ANO9: variants seen among roughly 807,000 people sequenced by gnomAD.
ANO9 encodes anoctamin 9.
In ANO9, 80 loss-of-function variants were observed where a neutral mutation model predicts 100.5. The observed-to-expected ratio is 0.80, with a 90% CI of 0.66 to 0.96. The LOEUF (loss-of-function observed/expected upper bound fraction) is 0.96. ANO9 is among the 40% of genes least tolerant of loss of function. The pLI is 0.00. For synonymous variants in ANO9, 473 were observed against 435.6 expected, an observed-to-expected ratio of 1.09 and a Z score of -1.07; for missense variants, 1,064 against 1,072.7, an observed-to-expected ratio of 0.99 and a Z score of 0.11.
chr11:421,355 C>T lies in ANO9; in HGVS notation c.1335-157G>A, dbSNP rs1439160044. On this transcript the variant is annotated intron_variant, in intron 15 of 22. Transcript: ENST00000332826. The surrounding 1 kb of genome is among the most constrained non-coding windows in gnomAD (Gnocchi z 6.8). ...GGTGCTCACACCCAGATGAACCGCA[C>T]CCGCACGTGGGCACGCACACACACA... 3.5e-5 allele frequency: 24 copies of T among 680,274 alleles called. No homozygotes were observed. The highest frequency in any genetic ancestry group is 3.4e-4 in the Admixed American group (10 of 29,576). 42.1% of individuals were successfully genotyped at this position (680,274 alleles called of 1,614,324 possible).
rs1848189861 is a variant in ANO9, at chr11:421,492, CCG to C, written c.1335-296_1335-295del. ...GGGAGGCCACAGGCTCCCAGACGAA[CCG>C]CACCTGCACGTGGGCGCACACACAC... is the stretch of plus-strand genomic sequence containing the variant. On this transcript the variant is annotated intron_variant, in intron 15 of 22. Transcript: ENST00000332826. The surrounding 1 kb of genome is among the most constrained non-coding windows in gnomAD (Gnocchi z 6.8). 1.5e-4 allele frequency among the ~76,000 whole-genome samples: 2 copies of C among 13,420 alleles called. 1 individual carries two copies. The highest frequency in any genetic ancestry group is 5.6e-3 in the East Asian group (2 of 358). 8.8% of individuals were successfully genotyped at this position (13,420 alleles called of 152,430 possible).
intron 19 of ANO9, chr11:420,027 G>A (rs755473887): frequency 2.2e-6 from 3 of 1,345,886 alleles, no homozygotes; most frequent in South Asian, 1.7e-5. Flanking sequence ...CCACCCCAGG[G>A]TAAGACCTTG....
In ANO9 at chr11:432,146, C is replaced by A. The variant is rs1849064241; in HGVS notation, c.351-92G>T. On this transcript the variant is annotated intron_variant, in intron 4 of 22. Transcript: ENST00000332826. The surrounding 1 kb of genome is among the most constrained non-coding windows in gnomAD (Gnocchi z 4.8). ...CCTCTGGTCTGGCCAGGCCCAGGCC[C>A]CTCCCTGTCCTGGCAGAGCCCCCAG... 4 of 1,385,004 alleles carry A rather than the reference C, an allele frequency of 2.9e-6. No individual in the cohort carries two copies. The highest frequency in any genetic ancestry group is 2.8e-5 in the African/African-American group (2 of 70,330). The allele number at this position is 1,385,004 out of a possible 1,614,324, so 85.8% of individuals were successfully genotyped here.
chr11:426,622 C>T (rs1182146259), intron 15 of ANO9, among the ~76,000 whole-genome samples: 1 of 152,056 alleles, frequency 6.6e-6, no homozygotes, highest in Non-Finnish European at 1.5e-5. Flanking sequence ...CACCCACTAC[C>T]AGGCATCACC....
chr11:433,249 G>T, intron 4 of ANO9, 65 bp downstream of exon 4: 2 of 1,577,490 alleles, frequency 1.3e-6, no homozygotes, highest in Non-Finnish European at 1.7e-6. Flanking sequence ...CTCCTGCCCG[G>T]TCTGGACCAA....
chr11:418,418 G>A lies in ANO9; in HGVS notation c.2302C>T (p.His768Tyr). 1 of 1,612,508 alleles carries A rather than the reference G, an allele frequency of 6.2e-7. No individual in the cohort carries two copies. The highest frequency in any genetic ancestry group is 2.2e-5 in the East Asian group (1 of 44,884). The change falls in exon 23 of 23, where the codon CAT becomes TAT. Residue 768 changes from histidine to tyrosine, a missense_variant. Transcript: ENST00000332826. ...GAGSRPPMPA[H>Y]PTPASIFSAR... ...CTGAAGATGGATGCTGGGGTGGGAT[G>A]GGCAGGCATTGGGGGCCGAGAGCCT...
chr11:429,886 A>T, intron 9 of ANO9, 68 bp from the exon 10 acceptor site: 2 of 997,694 alleles, frequency 2.0e-6, no homozygotes, highest in Non-Finnish European at 2.6e-6. Context: ...TGAGCCAGGG[A>T]GGGAGGCAGG....
chr11:441,690 G>T (rs1450863278), intron 1 of ANO9, among the ~76,000 whole-genome samples: 1 of 152,144 alleles, frequency 6.6e-6, no homozygotes, highest in Non-Finnish European at 1.5e-5. Flanking sequence ...CTGGAGGGAG[G>T]AACGCCGCCC....
Position 429,755 on chromosome 11 carries a change from C to A in ANO9, c.832+3G>T. 1 of 1,611,490 alleles carries A rather than the reference C, an allele frequency of 6.2e-7. No individual in the cohort carries two copies. Among genetic ancestry groups the A allele is most frequent in the East Asian group, 2.2e-5 (1 of 44,828 alleles). ...CCCGCAGAGGCGTCCCGCAGCAACT[C>A]ACCCCAGAGAGCCATGAAGATGGCG... is the stretch of plus-strand genomic sequence containing the variant. On this transcript the variant is annotated splice_donor_region_variant and intron_variant, in intron 10 of 22. Transcript: ENST00000332826.
At position 421,891 on chromosome 11, in the gene ANO9, C is replaced by T. The variant is rs1037764481; in HGVS notation, c.1335-693G>A. On this transcript the variant is annotated intron_variant, in intron 15 of 22. Transcript: ENST00000332826. This position sits in a 1 kb window ranked among gnomAD's most constrained non-coding sequence, Gnocchi z 6.8. The stretch of plus-strand genomic sequence containing the variant: ...AGCTCACGACAACTGGTATTTAACA[C>T]GGTTCTGGAATTCCTTGCAAATAAG... Among the ~76,000 whole-genome samples the T allele has an allele frequency of 6.6e-6, 1 of 152,142 alleles. No individual in the cohort carries two copies. The highest frequency in any genetic ancestry group is 2.1e-4 in the South Asian group (1 of 4,830).
intron 19 of ANO9, 136 bp from the exon 20 acceptor site, chr11:419,865 T>C (rs1848069892): frequency 1.4e-6 from 2 of 1,461,470 alleles, no homozygotes; most frequent in Admixed American, 5.1e-5. Context: ...GGCTGCAGTA[T>C]TCACAAGGAA....
chr11:430,333 C>T lies in ANO9; in HGVS notation c.610G>A (p.Ala204Thr), dbSNP rs1426553236. 6.2e-7 allele frequency: 1 copy of T among 1,610,018 alleles called. No homozygotes were observed. The highest frequency in any genetic ancestry group is 8.5e-7 in the Non-Finnish European group (1 of 1,179,148). ...AAGACTAAGAGGCCCGTCAGGGCGG[C>T]CGGCACCAGCATGTAGGTGTACCAG... Reference protein sequence around the residue: ...LGWYTYMLVPAALTGLLVFLS... With the variant: ...LGWYTYMLVPTALTGLLVFLS... Residue 204 changes from alanine (A) to threonine (T), a missense_variant, in exon 8 of 23, where the codon GCC (alanine) becomes ACC (threonine). Ala to Thr is a moderately conservative substitution (Grantham distance 58, BLOSUM62 0). Transcript: ENST00000332826.
At position 428,270 on chromosome 11, in the gene ANO9, C is replaced by T; in HGVS notation, c.1223-71G>A. 8 of 1,606,478 alleles carry T rather than the reference C, an allele frequency of 5.0e-6. No individual in the cohort carries two copies. In the Admixed American group the frequency reaches 5.0e-5, roughly 10 times the overall value. On this transcript the variant is annotated intron_variant, in intron 14 of 22. Transcript: ENST00000332826. ...GCCCTGGGGCAGCAGGAAGGGTCCC[C>T]TCCCCTGCTCTCTGACCACAGCCCC...
intron 1 of ANO9, among the ~76,000 whole-genome samples, chr11:440,115 A>C (rs1288527768): frequency 6.6e-6 from 1 of 152,166 alleles, no homozygotes; most frequent in Non-Finnish European, 1.5e-5. Flanking sequence ...TCTGGGACTC[A>C]GCAGTCAGCA....
Position 421,401 on chromosome 11 carries a change from C to T in ANO9, c.1335-203G>A, listed in dbSNP as rs1376994056. Reference sequence around the variant, plus strand: ...ACACACACACACACACAGGGGAGGCCACAGGCTCCCAGATGAACCGCACCC... The same window carrying T: ...ACACACACACACACACAGGGGAGGCTACAGGCTCCCAGATGAACCGCACCC... On this transcript the variant is annotated intron_variant, in intron 15 of 22. Coordinates refer to ENST00000332826, the MANE Select transcript of ANO9 (RefSeq NM_001012302.3). The surrounding 1 kb of genome is among the most constrained non-coding windows in gnomAD (Gnocchi z 6.8). The T allele has an allele frequency of 8.6e-6, 4 of 467,418 alleles. No homozygotes were observed. Among genetic ancestry groups the T allele is most frequent in the Non-Finnish European group, 7.4e-6 (2 of 269,612 alleles). 29.0% of individuals were successfully genotyped at this position (467,418 alleles called of 1,614,324 possible).
chr11:429,539 G>A (rs770997103), intron 11 of ANO9, 31 bp downstream of exon 11: 9 of 1,610,508 alleles, frequency 5.6e-6, no homozygotes, highest in Admixed American at 3.3e-5. Context: ...TGCTCGGGTC[G>A]GCCTCAGCTG....
intron 15 of ANO9, among the ~76,000 whole-genome samples, chr11:424,916 AAGG>A (rs1321978253): frequency 5.3e-5 from 8 of 152,140 alleles, no homozygotes; most frequent in African/African-American, 1.9e-4. Flanking sequence ...CAGATGTTAC[AAGG>A]AGGAGACATG....
In ANO9 at chr11:432,359, C is replaced by T; in HGVS notation, c.351-305G>A. The stretch of plus-strand genomic sequence containing the variant: ...CCACAGCCCGCACCTGCAACCACAC[C>T]TCCCACCTGCGGGCCCCATGTGTCC... On this transcript the variant is annotated intron_variant, in intron 4 of 22. Coordinates refer to ENST00000332826, the MANE Select transcript of ANO9 (RefSeq NM_001012302.3). This position sits in a 1 kb window ranked among gnomAD's most constrained non-coding sequence, Gnocchi z 4.8. 2.1e-6 allele frequency: 1 copy of T among 475,118 alleles called. No individual in the cohort carries two copies. The highest frequency in any genetic ancestry group is 3.9e-6 in the Non-Finnish European group (1 of 259,000). The allele number at this position is 475,118 out of a possible 1,614,324, so 29.4% of individuals were successfully genotyped here. A position where few individuals can be genotyped will look rare whatever the true frequency, so the allele number is the denominator to read the frequency against.
intron 1 of ANO9, among the ~76,000 whole-genome samples, chr11:441,422 G>A (rs911240235): frequency 7.9e-5 from 12 of 152,164 alleles, no homozygotes; most frequent in Non-Finnish European, 1.8e-4. Flanking sequence ...TGTGCTGGGC[G>A]GGGTCCTTGG....
Sources: gnomAD v4.1 joint callset for allele counts (sites outside exome capture counted in the v4.1 genomes callset) on GRCh38, gnomAD v4.1.1 for gene constraint, Gnocchi (gnomAD v3.1) non-coding constraint, MANE v1.5 for transcripts, NCBI Gene and HGNC (gene_info 2026-07-23, HGNC 2026-07-21) for gene names.